The following MYRIP variants were observed in gnomAD, a reference collection of about 807,000 sequenced individuals.
MYRIP encodes the protein myosin VIIA and Rab interacting protein.
Under a neutral mutation model 98.0 loss-of-function variants are expected in MYRIP, and 49 were observed. The observed-to-expected ratio is 0.50, with a 90% CI of 0.40 to 0.63. The LOEUF (loss-of-function observed/expected upper bound fraction) is 0.63. Among genes scored for constraint, MYRIP ranks in the 30% least tolerant of loss-of-function variants. The probability of loss-of-function intolerance (pLI) is 0.00; values close to 1 mark genes in which losing one functional copy is unlikely to be tolerated. For missense variants in MYRIP, 1,004 were observed against 1,058.2 expected (o/e 0.95, Z 0.71); for synonymous variants, 404 against 409.5 (o/e 0.99, Z 0.16).
chr3:39,970,134 C>T (rs1241528224), intron 2 of MYRIP: 2 of 151,988 alleles, frequency 1.3e-5, no homozygotes, highest in Non-Finnish European at 2.9e-5. Flanking sequence ...GAGCTTCACA[C>T]AGTGGCAATT....
chr3:40,179,943 G>C (rs1350140100), intron 8 of MYRIP, among the ~76,000 whole-genome samples: 2 of 152,146 alleles, frequency 1.3e-5, no homozygotes, highest in Non-Finnish European at 2.9e-5. Context: ...CTTGCCAGTT[G>C]ACCACCATCC....
intron 2 of MYRIP, chr3:39,970,220 C>G (rs570477496): frequency 1.3e-5 from 2 of 152,098 alleles, no homozygotes; most frequent in South Asian, 4.2e-4. Context: ...GCTGTGATGA[C>G]TTTAAATATA....
At chr3:39,835,076 C>G (rs1197491013) in intron 1 of MYRIP, among the ~76,000 whole-genome samples, 1 of 152,112 alleles carries the variant, frequency 6.6e-6, no homozygotes, top group Non-Finnish European at 1.5e-5. Flanking sequence ...TTAAAAACCA[C>G]TGAGACAGAA....
intron 10 of MYRIP, among the ~76,000 whole-genome samples, chr3:40,193,372 C>T (rs28496148): frequency 0.055 from 8,299 of 152,252 alleles, 736 homozygotes; most frequent in African/African-American, 0.19. Flanking sequence ...CTCTTCCTGC[C>T]TGGTTCAGTG....
intron 4 of MYRIP, among the ~76,000 whole-genome samples, chr3:40,157,176 C>T (rs1950263477): frequency 6.8e-6 from 1 of 147,862 alleles, no homozygotes; most frequent in African/African-American, 2.5e-5. Flanking sequence ...CCCATCAATA[C>T]CTAATTTATT....
chr3:40,077,922 C>T (rs1313518262), intron 3 of MYRIP, among the ~76,000 whole-genome samples: 1 of 150,426 alleles, frequency 6.6e-6, no homozygotes, highest in Non-Finnish European at 1.5e-5. Flanking sequence ...CTGCGCCCTG[C>T]GCCCGCACTC....
chr3:39,843,345 A>C (rs79271672), intron 1 of MYRIP, among the ~76,000 whole-genome samples: 2,937 of 152,310 alleles, frequency 0.019, 104 homozygotes, highest in East Asian at 0.12. Flanking sequence ...CATTTATTTC[A>C]ACTTTCACTA....
chr3:39,924,155 T>G (rs1217091514), intron 2 of MYRIP, among the ~76,000 whole-genome samples: 2 of 152,070 alleles, frequency 1.3e-5, no homozygotes, highest in African/African-American at 2.4e-5. Context: ...TAAATGTAAA[T>G]GGCCTAAATA....
intron 2 of MYRIP, among the ~76,000 whole-genome samples, chr3:39,929,939 A>AT (rs1253662894): frequency 1.3e-5 from 2 of 151,742 alleles, no homozygotes; most frequent in Non-Finnish European, 2.9e-5. Flanking sequence ...TAATATTTTC[A>AT]TTTTTTTGTT....
chr3:39,972,774 T>A (rs1046839675), intron 2 of MYRIP, among the ~76,000 whole-genome samples: 7 of 149,390 alleles, frequency 4.7e-5, no homozygotes, highest in African/African-American at 1.8e-4. Flanking sequence ...ATTTTTTTCT[T>A]CTAAAATGAG....
intron 11 of MYRIP, among the ~76,000 whole-genome samples, chr3:40,218,603 ATATATATTT>A (rs1414822349): frequency 8.3e-3 from 43 of 5,208 alleles, no homozygotes; most frequent in East Asian, 0.021. Flanking sequence ...ACACACATAT[ATATATATTT>A]TATATATATA....
intron 2 of MYRIP, among the ~76,000 whole-genome samples, chr3:39,964,021 G>A (rs1315805398): frequency 6.6e-6 from 1 of 152,062 alleles, no homozygotes. Context: ...AGTATGTGGT[G>A]CTGAGTGACT....
intron 2 of MYRIP, among the ~76,000 whole-genome samples, chr3:40,001,518 G>A (rs571397544): frequency 6.6e-6 from 1 of 152,306 alleles, no homozygotes; most frequent in African/African-American, 2.4e-5. Flanking sequence ...TAAAGAAATG[G>A]TAGGAATCAT....
chr3:39,888,606 G>T (rs974087067), intron 1 of MYRIP, among the ~76,000 whole-genome samples: 3 of 152,280 alleles, frequency 2.0e-5, no homozygotes, highest in African/African-American at 7.2e-5. Flanking sequence ...TACCATTCAG[G>T]ACATACGCAT....
intron 3 of MYRIP, among the ~76,000 whole-genome samples, chr3:40,144,964 A>G (rs888793432): frequency 5.9e-5 from 9 of 152,202 alleles, no homozygotes; most frequent in Non-Finnish European, 1.2e-4. Context: ...TGCATCTATG[A>G]AAGAGAGGAC....
At chr3:39,927,354 G>A (rs113154758) in intron 2 of MYRIP, among the ~76,000 whole-genome samples, 2 of 151,838 alleles carry the variant, frequency 1.3e-5, no homozygotes, top group Non-Finnish European at 2.9e-5. Context: ...AGGGCTTCTA[G>A]TACCATGTTG....
chr3:40,044,191 C>A lies in MYRIP; in HGVS notation c.252C>A (p.Cys84Ter). Residue 84 changes from cysteine to a stop codon, truncating the protein, a stop_gained, in exon 3 of 17, where the codon TGC (cysteine) becomes TGA (stop). Coordinates refer to ENST00000302541, the MANE Select transcript of MYRIP (RefSeq NM_015460.4). LOFTEE classifies it high-confidence loss of function. ...ACACCAAGCGCCAGTGTGGAGATTG[C>A]AAATTCAATGTCTGCAAGAGCTGCT... is the stretch of plus-strand genomic sequence containing the variant. ...LVNTKRQCGD[C>*]KFNVCKSCCS... The A allele has an allele frequency of 6.2e-7, 1 of 1,614,172 alleles. No individual in the cohort carries two copies. The highest frequency in any genetic ancestry group is 1.1e-5 in the South Asian group (1 of 91,084).
chr3:39,864,844 A>G (rs1478131155), intron 1 of MYRIP, among the ~76,000 whole-genome samples: 1 of 152,198 alleles, frequency 6.6e-6, no homozygotes, highest in Non-Finnish European at 1.5e-5. Context: ...TAAATAGCCA[A>G]GGCAATCCTA....
rs1953329823 is a variant in MYRIP at position 40,250,211 on chromosome 3, G to A, written c.2263-11G>A. The A allele has an allele frequency of 6.3e-7, 1 of 1,591,738 alleles. No homozygotes were observed. Among genetic ancestry groups the A allele is most frequent in the Non-Finnish European group, 8.6e-7 (1 of 1,160,530 alleles). On this transcript the variant is annotated splice_polypyrimidine_tract_variant and intron_variant, in intron 13 of 16. Transcript: ENST00000302541. ...TTCTCCCTGCCAATCTTGTCTTTCT[G>A]TTGCTTTAAGATTTCAGATATTGAG...
Sources: allele counts gnomAD v4.1 joint callset (sites outside exome capture counted in the v4.1 genomes callset), GRCh38; gene constraint gnomAD v4.1.1; transcripts MANE v1.5; gene names NCBI Gene and HGNC (gene_info 2026-07-23, HGNC 2026-07-21).